ALDH16A1: variants seen among roughly 807,000 people sequenced by gnomAD.
ALDH16A1 encodes aldehyde dehydrogenase family 16 member A1.
In ALDH16A1, 88 loss-of-function variants were observed where a neutral mutation model predicts 96.1. The ratio of observed to expected loss-of-function variants is 0.92; its 90% CI spans 0.77 to 1.09. The LOEUF (loss-of-function observed/expected upper bound fraction) is 1.09. ALDH16A1 is among the 50% of genes least tolerant of loss of function. The pLI is 0.00. For synonymous variants in ALDH16A1, 522 were observed against 496.4 expected (o/e 1.05, Z -0.69); for missense variants, 1,250 against 1,112.6 (o/e 1.12, Z -1.76).
chr19:49,465,908 A>C lies in ALDH16A1; in HGVS notation c.1736+3A>C, dbSNP rs1468532194. The C allele has an allele frequency of 1.1e-5, 17 of 1,613,114 alleles. No individual in the cohort carries two copies. The highest frequency in any genetic ancestry group is 1.4e-5 in the Non-Finnish European group (17 of 1,179,616). ...GCCGCTCACCAGGCTTTCCCTGGGT[A>C]AGGGGTCACACGGGAAAGCCCAAGG... On this transcript the variant is annotated splice_donor_region_variant and intron_variant, in intron 13 of 16. Transcript: ENST00000293350.
At chr19:49,453,985 GC>G (rs2079089183) in intron 1 of ALDH16A1, among the ~76,000 whole-genome samples, 1 of 150,298 alleles carries the variant, frequency 6.7e-6, no homozygotes, top group African/African-American at 2.5e-5. Context: ...ACTCTCAGGA[GC>G]CTAGAATACA....
intron 14 of ALDH16A1, 78 bp downstream of exon 14, chr19:49,466,361 C>G: frequency 1.4e-6 from 2 of 1,384,572 alleles, no homozygotes; most frequent in South Asian, 3.2e-5. Context: ...ATAACCCAGG[C>G]TTGGAATTCG....
chr19:49,466,262 G>A lies in ALDH16A1; in HGVS notation c.1917G>A (p.Gln639=). 1 of 1,466,968 alleles carries A rather than the reference G, an allele frequency of 6.8e-7. No individual in the cohort carries two copies. Among genetic ancestry groups the A allele is most frequent in the African/African-American group, 1.4e-5 (1 of 71,156 alleles). 90.9% of individuals were successfully genotyped at this position (1,466,968 alleles called of 1,614,324 possible). A position where few individuals can be genotyped will look rare whatever the true frequency, so the allele number is the denominator to read the frequency against. The change falls in exon 14 of 17, where the codon CAG becomes CAA. Residue 639 remains glutamine, a synonymous_variant. Coordinates refer to ENST00000293350, the MANE Select transcript of ALDH16A1 (RefSeq NM_153329.4). ...TTCGGGCGTGGGGGGCCCGGGTGCA[G>A]GCCCAAGGCCACACCCTGCAGGTGA... ...RRLRAWGARV[Q]AQGHTLQVAG... is the part of the protein sequence containing the mutation.
chr19:49,461,824 G>T, intron 6 of ALDH16A1, 24 bp downstream of exon 6: 1 of 1,605,776 alleles, frequency 6.2e-7, no homozygotes, highest in Non-Finnish European at 8.5e-7. Context: ...AGGGGTCGTG[G>T]CGGAACGCGG....
chr19:49,463,827 C>T lies in ALDH16A1; in HGVS notation c.1099-27C>T, dbSNP rs201659297. On this transcript the variant is annotated intron_variant, in intron 8 of 16. Transcript: ENST00000293350. The stretch of plus-strand genomic sequence containing the variant: ...GTCTCAGCAGGAAGGGACCAGAAGT[C>T]GACTTCTAGATCATTTCTCTCCCTA... 1.0e-4 allele frequency: 165 copies of T among 1,601,354 alleles called. No individual in the cohort carries two copies. In the East Asian group the frequency reaches 1.7e-3, roughly 16 times the overall value.
chr19:49,454,816 C>G (rs188909108), intron 1 of ALDH16A1, among the ~76,000 whole-genome samples: 92 of 152,204 alleles, frequency 6.0e-4, no homozygotes, highest in Non-Finnish European at 1.1e-3. Context: ...AACCTCGTCT[C>G]TACTAAAATA....
Position 49,459,952 on chromosome 19 carries a change from C to T in ALDH16A1, c.499+104C>T. On this transcript the variant is annotated intron_variant, in intron 4 of 16. Coordinates refer to ENST00000293350, the MANE Select transcript of ALDH16A1 (RefSeq NM_153329.4). This position sits in a 1 kb window ranked among gnomAD's most constrained non-coding sequence, Gnocchi z 4.1. The stretch of plus-strand genomic sequence containing the variant: ...TTAGACAGAGTTTCGCTCTTGTCGC[C>T]CAGGCCGGAGTGCAGTGGCGCAATC... 7.2e-7 allele frequency: 1 copy of T among 1,383,372 alleles called. No individual in the cohort carries two copies. Among genetic ancestry groups the T allele is most frequent in the South Asian group, 1.4e-5 (1 of 69,656 alleles). 85.7% of individuals were successfully genotyped at this position (1,383,372 alleles called of 1,614,324 possible).
chr19:49,462,533 C>T (rs980214489), intron 7 of ALDH16A1, 37 bp from the exon 8 acceptor site: 1 of 1,600,164 alleles, frequency 6.2e-7, no homozygotes, highest in African/African-American at 1.3e-5. Flanking sequence ...TGCTAGAGTG[C>T]AATGGTGTGA....
At chr19:49,454,770 C>G (rs895900755) in intron 1 of ALDH16A1, among the ~76,000 whole-genome samples, 2 of 152,168 alleles carry the variant, frequency 1.3e-5, no homozygotes, top group African/African-American at 4.8e-5. Flanking sequence ...ATCGCCTGAG[C>G]TCAGGAATTC....
At chr19:49,464,834 A>G (rs938646083) in intron 12 of ALDH16A1, 72 bp downstream of exon 12, 21 of 1,600,116 alleles carry the variant, frequency 1.3e-5, no homozygotes, top group African/African-American at 2.7e-5. Flanking sequence ...TTCCCCGTGG[A>G]CTGGAGGGCT....
chr19:49,470,277 T>C (rs1331322703), intron 16 of ALDH16A1, 29 bp from the exon 17 acceptor site: 48 of 1,611,516 alleles, frequency 3.0e-5, no homozygotes, highest in Non-Finnish European at 3.8e-5. Flanking sequence ...CCTGCAGAAG[T>C]GCTTACCCCC....
intron 1 of ALDH16A1, among the ~76,000 whole-genome samples, chr19:49,457,039 C>T (rs1367603654): frequency 1.3e-5 from 2 of 150,878 alleles, no homozygotes; most frequent in Non-Finnish European, 2.9e-5. Flanking sequence ...ACCCAGGAGG[C>T]GGAGGTTGCA....
intron 1 of ALDH16A1, among the ~76,000 whole-genome samples, chr19:49,454,141 G>GC (rs1276494021): frequency 2.7e-5 from 4 of 149,728 alleles, no homozygotes; most frequent in Non-Finnish European, 4.4e-5. Context: ...TCTCACCTCA[G>GC]CCCCCCAAGT....
rs2079192717 is a variant in ALDH16A1 at position 49,465,790 on chromosome 19, G to GC, written c.1624dup (p.Arg542ProfsTer19). On this transcript the variant is annotated frameshift_variant, in exon 13 of 17. Transcript: ENST00000293350. LOFTEE classifies it high-confidence loss of function. Reference sequence around the variant, plus strand: ...TGGGGGCCGTTTCCAGGCTCCTGGGGCCCGAAGCTCCAGGCCCATCCGGGA... The same window carrying GC: ...TGGGGGCCGTTTCCAGGCTCCTGGGGCCCCGAAGCTCCAGGCCCATCCGGGA... 1 of 1,614,006 alleles carries GC rather than the reference G, an allele frequency of 6.2e-7. No individual in the cohort carries two copies. The highest frequency in any genetic ancestry group is 1.7e-5 in the Admixed American group (1 of 59,996).
At chr19:49,458,637 C>G (rs528170004) in intron 2 of ALDH16A1, 49 bp downstream of exon 2, 23 of 1,524,772 alleles carry the variant, frequency 1.5e-5, no homozygotes, top group South Asian at 1.4e-4. Flanking sequence ...TCTGTGCCCT[C>G]TAGCCCTACC....
intron 1 of ALDH16A1, among the ~76,000 whole-genome samples, chr19:49,454,029 TTG>T (rs1287683057): frequency 8.3e-5 from 5 of 60,294 alleles, no homozygotes; most frequent in African/African-American, 3.0e-4. Context: ...GGTTTTTTTT[TTG>T]TTTTTTTTTT....
At chr19:49,462,858 C>T in intron 8 of ALDH16A1, 103 bp downstream of exon 8, 1 of 930,634 alleles carries the variant, frequency 1.1e-6, no homozygotes, top group Non-Finnish European at 1.5e-6. Context: ...ACAACTGGGT[C>T]CGAGGAAGGA....
At position 49,468,114 on chromosome 19, in the gene ALDH16A1, C is replaced by A. The variant is rs113225642; in HGVS notation, c.1939-267C>A. ...GGCGGAGGTTGCAGTGAGCCAAGATCGCACCACTGCACTCTAGCCAGGGCG... is the reference window on the plus strand; with the variant it reads ...GGCGGAGGTTGCAGTGAGCCAAGATAGCACCACTGCACTCTAGCCAGGGCG... On this transcript the variant is annotated intron_variant, in intron 14 of 16. Coordinates refer to ENST00000293350, the MANE Select transcript of ALDH16A1 (RefSeq NM_153329.4). This position sits in a 1 kb window ranked among gnomAD's most constrained non-coding sequence, Gnocchi z 4.4. Among the ~76,000 whole-genome samples, 1 of 149,138 alleles carries A rather than the reference C, an allele frequency of 6.7e-6. No homozygotes were observed. The highest frequency in any genetic ancestry group is 1.5e-5 in the Non-Finnish European group (1 of 67,594).
At chr19:49,470,178 G>A in intron 16 of ALDH16A1, 128 bp from the exon 17 acceptor site, 4 of 1,124,788 alleles carry the variant, frequency 3.6e-6, no homozygotes, top group Non-Finnish European at 5.2e-6. Context: ...GGAGGAGCTG[G>A]GCATTGTAGC....
Sources: gnomAD v4.1 joint callset for allele counts (sites outside exome capture counted in the v4.1 genomes callset) on GRCh38, gnomAD v4.1.1 for gene constraint, Gnocchi (gnomAD v3.1) non-coding constraint, MANE v1.5 for transcripts, NCBI Gene and HGNC (gene_info 2026-07-23, HGNC 2026-07-21) for gene names.